SLC25A21: variants seen among roughly 807,000 people sequenced by gnomAD.
The protein encoded by SLC25A21 is solute carrier family 25 member 21.
A neutral mutation model predicts 43.8 loss-of-function variants in SLC25A21; 47 were observed. The ratio of observed to expected loss-of-function variants is 1.07; its 90% CI spans 0.85 to 1.37. The LOEUF is 1.37. SLC25A21 is among the 40% of genes most tolerant of loss of function. The pLI, the probability that SLC25A21 is intolerant of heterozygous loss-of-function variation, is 0.00. For missense variants in SLC25A21, 352 were observed against 350.2 expected, an observed-to-expected ratio of 1.00 and a Z score of -0.04; for synonymous variants, 131 against 121.3, an observed-to-expected ratio of 1.08 and a Z score of -0.52.
chr14:36,773,346 A>G (rs955064517), intron 3 of SLC25A21, among the ~76,000 whole-genome samples: 9 of 152,180 alleles, frequency 5.9e-5, no homozygotes, highest in Non-Finnish European at 8.8e-5. Context: ...ATCAATTAAC[A>G]TTCATCTGGG....
At chr14:36,925,686 A>C (rs1414797859) in intron 1 of SLC25A21, among the ~76,000 whole-genome samples, 1 of 152,106 alleles carries the variant, frequency 6.6e-6, no homozygotes, top group African/African-American at 2.4e-5. Flanking sequence ...GTACCTACTA[A>C]AAATACAAAA....
chr14:36,792,328 C>T (rs1887516489), intron 3 of SLC25A21, among the ~76,000 whole-genome samples: 1 of 152,112 alleles, frequency 6.6e-6, no homozygotes, highest in South Asian at 2.1e-4. Context: ...TTTGAAGGGA[C>T]TTTAACAGAG....
chr14:36,875,040 T>G (rs373432784), intron 1 of SLC25A21, 36 bp from the exon 2 acceptor site: 9 of 1,512,008 alleles, frequency 6.0e-6, no homozygotes, highest in Non-Finnish European at 8.2e-6. Context: ...TAAACACTTA[T>G]GTAAACACTG....
intron 3 of SLC25A21, among the ~76,000 whole-genome samples, chr14:36,747,645 A>C (rs2139252671): frequency 6.6e-6 from 1 of 152,342 alleles, no homozygotes; most frequent in East Asian, 1.9e-4. Flanking sequence ...TTGAAGCCAA[A>C]GATGCCATGC....
intron 1 of SLC25A21, among the ~76,000 whole-genome samples, chr14:37,147,006 G>A (rs1963677586): frequency 6.6e-6 from 1 of 152,054 alleles, no homozygotes. Flanking sequence ...CTTGCCCTTT[G>A]GTTCTTCTCT....
At chr14:36,930,711 T>A (rs1892264043) in intron 1 of SLC25A21, among the ~76,000 whole-genome samples, 2 of 152,110 alleles carry the variant, frequency 1.3e-5, no homozygotes, top group Admixed American at 6.6e-5. Flanking sequence ...AATCCTTCAA[T>A]GGCCCTCACT....
intron 7 of SLC25A21, among the ~76,000 whole-genome samples, chr14:36,710,084 T>G (rs1883771015): frequency 6.6e-6 from 1 of 152,162 alleles, no homozygotes; most frequent in South Asian, 2.1e-4. Context: ...TATGATTATT[T>G]AGAAATAAGG....
At chr14:37,095,841 CACAA>C (rs72058806) in intron 1 of SLC25A21, among the ~76,000 whole-genome samples, 107,124 of 137,660 alleles carry the variant, frequency 0.78, 42,523 homozygotes, top group South Asian at 0.91. Context: ...CACACACACA[CACAA>C]AAAACACCTT....
intron 1 of SLC25A21, among the ~76,000 whole-genome samples, chr14:36,888,179 G>C (rs1417175924): frequency 6.6e-6 from 1 of 152,084 alleles, no homozygotes; most frequent in African/African-American, 2.4e-5. Context: ...AGCCTACTAG[G>C]TTCAAATAGC....
In SLC25A21 at chr14:37,012,905, A is replaced by C. The variant is rs1405025904; in HGVS notation, c.71-137901T>G. Among the ~76,000 whole-genome samples the C allele has an allele frequency of 2.6e-5, 4 of 152,220 alleles. No individual in the cohort carries two copies. The East Asian group carries it at 7.7e-4, about 29-fold the overall frequency. On this transcript the variant is annotated intron_variant, in intron 1 of 9. Coordinates refer to ENST00000331299, the MANE Select transcript of SLC25A21 (RefSeq NM_030631.4). ...TTTGATCATAAATAGTCTCCAAAGA[A>C]GGCCAGTGTGTTTTGGGGACACACC...
chr14:37,017,646 G>A (rs1245875418), intron 1 of SLC25A21, among the ~76,000 whole-genome samples: 1 of 152,060 alleles, frequency 6.6e-6, no homozygotes, highest in African/African-American at 2.4e-5. Flanking sequence ...CGCAGTATCT[G>A]CGAAGTGCAA....
chr14:36,941,651 T>G (rs898059734), intron 1 of SLC25A21, among the ~76,000 whole-genome samples: 3 of 151,822 alleles, frequency 2.0e-5, no homozygotes, highest in Non-Finnish European at 2.9e-5. Context: ...AAATTAAATA[T>G]AATTATACTT....
At chr14:36,979,432 T>C (rs1267435951) in intron 1 of SLC25A21, among the ~76,000 whole-genome samples, 1 of 151,906 alleles carries the variant, frequency 6.6e-6, no homozygotes, top group Admixed American at 6.6e-5. Flanking sequence ...AGTGGCTCAC[T>C]GCAGCCTCCG....
chr14:36,834,579 C>G (rs1889145289), intron 2 of SLC25A21, among the ~76,000 whole-genome samples: 2 of 152,048 alleles, frequency 1.3e-5, no homozygotes, highest in Admixed American at 1.3e-4. Flanking sequence ...CAATCCTGAC[C>G]TCTCTCCCCA....
chr14:36,970,175 G>A (rs180682327), intron 1 of SLC25A21, among the ~76,000 whole-genome samples: 19 of 152,174 alleles, frequency 1.2e-4, no homozygotes, highest in Non-Finnish European at 2.5e-4. Context: ...TCTCAGTCAG[G>A]ATTGTGATCA....
chr14:37,172,592 G>GTC lies in SLC25A21; in HGVS notation c.-244_-243dup. The GTC allele has an allele frequency of 2.9e-6, 2 of 691,924 alleles. No homozygotes were observed. Among genetic ancestry groups the GTC allele is most frequent in the Non-Finnish European group, 2.6e-6 (1 of 378,300 alleles). The allele number at this position is 691,924 out of a possible 1,614,324, so 42.9% of individuals were successfully genotyped here. A position where few individuals can be genotyped will look rare whatever the true frequency, so the allele number is the denominator to read the frequency against. ...CAGAGGCGCCCTCGGCTCCGAAAAT[G>GTC]TCTCTGGAAAGAAGACCCGCGGATG... is the stretch of plus-strand genomic sequence containing the variant. On this transcript the variant is annotated 5_prime_UTR_variant, in exon 1 of 10. Transcript: ENST00000331299.
intron 2 of SLC25A21, among the ~76,000 whole-genome samples, chr14:36,857,095 C>A (rs1889922271): frequency 6.6e-6 from 1 of 152,098 alleles, no homozygotes; most frequent in African/African-American, 2.4e-5. Flanking sequence ...GGAATAAAGT[C>A]CTGTTTTTAT....
intron 3 of SLC25A21, among the ~76,000 whole-genome samples, chr14:36,811,797 T>C (rs948844462): frequency 6.6e-6 from 1 of 152,222 alleles, no homozygotes; most frequent in African/African-American, 2.4e-5. Context: ...ACACTGCACA[T>C]TAAAAAATTA....
intron 1 of SLC25A21, among the ~76,000 whole-genome samples, chr14:37,103,182 A>G (rs1962848810): frequency 6.6e-6 from 1 of 152,208 alleles, no homozygotes; most frequent in African/African-American, 2.4e-5. Context: ...TAAATATTTT[A>G]TCGCACCTTC....
Sources: allele counts gnomAD v4.1 joint callset (sites outside exome capture counted in the v4.1 genomes callset), GRCh38; gene constraint gnomAD v4.1.1; transcripts MANE v1.5; gene names NCBI Gene and HGNC (gene_info 2026-07-23, HGNC 2026-07-21).